Variants in ZC3H7A observed in about 807,000 individuals in gnomAD.
ZC3H7A encodes zinc finger CCCH domain-containing protein 7A.
A neutral mutation model predicts 125.5 loss-of-function variants in ZC3H7A; 44 were observed. That is an observed-to-expected ratio of 0.35 (90% CI 0.28 to 0.45). The LOEUF (loss-of-function observed/expected upper bound fraction) is 0.45, where lower values mean the gene tolerates loss of function less well. ZC3H7A is among the 20% of genes least tolerant of loss of function. ZC3H7A has a pLI of 1.00. For synonymous variants in ZC3H7A, 399 were observed against 391.2 expected (o/e 1.02, Z -0.23); for missense variants, 977 against 1,170.7 (o/e 0.83, Z 2.41).
intron 1 of ZC3H7A, among the ~76,000 whole-genome samples, chr16:11,787,589 G>C (rs776092478): frequency 2.6e-5 from 4 of 152,140 alleles, no homozygotes; most frequent in Non-Finnish European, 5.9e-5. Flanking sequence ...AGCCTCCTGA[G>C]TAGCTGAGAC....
intron 4 of ZC3H7A, among the ~76,000 whole-genome samples, chr16:11,778,453 A>C (rs940209881): frequency 1.3e-5 from 2 of 151,364 alleles, no homozygotes; most frequent in African/African-American, 2.4e-5. Flanking sequence ...AAAAAAAAAA[A>C]AAAAAACACT....
At position 11,776,472 on chromosome 16, in the gene ZC3H7A, T is replaced by C; in HGVS notation, c.526A>G (p.Lys176Glu). ...LAQKLGFKIR[K>E]AYVRAELSLK... ...CTTACCTCAGCTCTGACATACGCTT[T>C]TCTTATTTTAAATCCCAATTTCTGA... Residue 176 changes from lysine to glutamate, a missense_variant, in exon 6 of 23, where the codon AAA becomes GAA. Physicochemically the swap from Lys to Glu is moderately conservative, Grantham distance 56. Coordinates refer to ENST00000355758, the MANE Select transcript of ZC3H7A (RefSeq NM_014153.4). 6.2e-7 allele frequency: 1 copy of C among 1,611,658 alleles called. No individual in the cohort carries two copies. The highest frequency in any genetic ancestry group is 8.5e-7 in the Non-Finnish European group (1 of 1,179,380).
intron 18 of ZC3H7A, 165 bp from the exon 19 acceptor site, chr16:11,761,676 C>T (rs2052755308): frequency 1.2e-6 from 1 of 835,872 alleles, no homozygotes. Flanking sequence ...TTGTCATTTA[C>T]AAACACTCCC....
chr16:11,790,099 A>G (rs1256988783), intron 1 of ZC3H7A, among the ~76,000 whole-genome samples: 1 of 151,458 alleles, frequency 6.6e-6, no homozygotes, highest in African/African-American at 2.4e-5. Flanking sequence ...AAAAAAAAAA[A>G]AAAGAATTTC....
intron 1 of ZC3H7A, chr16:11,796,844 A>G (rs374695760): frequency 1.3e-5 from 2 of 151,184 alleles, no homozygotes; most frequent in East Asian, 2.0e-4. Flanking sequence ...CAAAAAGGAG[A>G]CATTTTGCCG....
intron 3 of ZC3H7A, among the ~76,000 whole-genome samples, chr16:11,780,616 G>A (rs1289577835): frequency 6.6e-6 from 1 of 152,086 alleles, no homozygotes; most frequent in Non-Finnish European, 1.5e-5. Context: ...CCAGGTCCAC[G>A]TGCAAAATGA....
At chr16:11,788,892 G>GT (rs2053303679) in intron 1 of ZC3H7A, among the ~76,000 whole-genome samples, 2 of 152,136 alleles carry the variant, frequency 1.3e-5, no homozygotes, top group African/African-American at 4.8e-5. Flanking sequence ...GATTACAGGC[G>GT]TGAGCCACCA....
At chr16:11,796,928 G>A (rs1343307732) in intron 1 of ZC3H7A, 196 bp downstream of exon 1, 1 of 150,348 alleles carries the variant, frequency 6.7e-6, no homozygotes, top group South Asian at 2.1e-4. Context: ...CCGTCCCTCC[G>A]CGCGCACAGG....
chr16:11,786,657 A>C (rs146464513), intron 1 of ZC3H7A, among the ~76,000 whole-genome samples: 5 of 152,338 alleles, frequency 3.3e-5, no homozygotes, highest in Non-Finnish European at 7.3e-5. Context: ...TTATAGATCT[A>C]GGATCACAAT....
chr16:11,764,574 T>C (rs1446696985), intron 15 of ZC3H7A, among the ~76,000 whole-genome samples: 7 of 151,840 alleles, frequency 4.6e-5, no homozygotes, highest in African/African-American at 1.7e-4. Context: ...TACAAAAAAT[T>C]AGCCAGGCCT....
At chr16:11,773,769 G>A (rs559800554) in intron 9 of ZC3H7A, among the ~76,000 whole-genome samples, 1 of 151,822 alleles carries the variant, frequency 6.6e-6, no homozygotes, top group South Asian at 2.1e-4. Flanking sequence ...TGTAGTCCCA[G>A]CTACTCAGGA....
intron 9 of ZC3H7A, among the ~76,000 whole-genome samples, chr16:11,772,752 A>G (rs1181514826): frequency 6.7e-6 from 1 of 150,374 alleles, no homozygotes; most frequent in Non-Finnish European, 1.5e-5. Flanking sequence ...GGTGGAGTGC[A>G]GTGGCATGAT....
chr16:11,754,199 G>C (rs11644981), intron 21 of ZC3H7A, among the ~76,000 whole-genome samples: 7,347 of 150,340 alleles, frequency 0.049, 260 homozygotes, highest in Middle Eastern at 0.1. Context: ...GGCTGAGGTC[G>C]GAGGATCACC....
Position 11,765,234 on chromosome 16 carries a change from C to A in ZC3H7A, c.1720-81G>T. The A allele has an allele frequency of 1.1e-6, 1 of 904,876 alleles. No homozygotes were observed. 56.1% of individuals were successfully genotyped at this position (904,876 alleles called of 1,614,324 possible). ...CAGAATATTGTCCTAGTTTCAATATCATTACAAAATTAATATTCAATATGA... is the reference window on the plus strand; with the variant it reads ...CAGAATATTGTCCTAGTTTCAATATAATTACAAAATTAATATTCAATATGA... On this transcript the variant is annotated intron_variant, in intron 14 of 22. Transcript: ENST00000355758. The surrounding 1 kb of genome is among the most constrained non-coding windows in gnomAD (Gnocchi z 4.8).
intron 1 of ZC3H7A, among the ~76,000 whole-genome samples, chr16:11,785,088 G>A (rs1258362099): frequency 6.6e-6 from 1 of 152,070 alleles, no homozygotes; most frequent in East Asian, 1.9e-4. Context: ...AACCCGGGAG[G>A]CGGAGGTTGC....
At chr16:11,757,300 C>T (rs902026745) in intron 20 of ZC3H7A, among the ~76,000 whole-genome samples, 5 of 151,846 alleles carry the variant, frequency 3.3e-5, no homozygotes, top group Middle Eastern at 3.4e-3. Context: ...CTGGCTAACA[C>T]GGTGAAACCC....
intron 1 of ZC3H7A, among the ~76,000 whole-genome samples, chr16:11,785,588 G>A (rs1427206740): frequency 1.3e-5 from 2 of 151,426 alleles, no homozygotes; most frequent in East Asian, 3.9e-4. Context: ...AAAAAAAAAA[G>A]ATGAGGCATT....
At chr16:11,779,460 T>C (rs766056505) in intron 3 of ZC3H7A, 97 bp from the exon 4 acceptor site, 23 of 1,068,820 alleles carry the variant, frequency 2.2e-5, no homozygotes, top group Non-Finnish European at 2.7e-5. Flanking sequence ...CAGGAAACAA[T>C]GTGACAGAAC....
chr16:11,751,590 T>A, intron 22 of ZC3H7A, 84 bp from the exon 23 acceptor site: 2 of 1,365,038 alleles, frequency 1.5e-6, no homozygotes, highest in Non-Finnish European at 2.0e-6. Context: ...TATATTTCAC[T>A]AGCTTTATGA....
Sources: gnomAD v4.1 joint callset for allele counts (sites outside exome capture counted in the v4.1 genomes callset) on GRCh38, gnomAD v4.1.1 for gene constraint, Gnocchi (gnomAD v3.1) non-coding constraint, MANE v1.5 for transcripts, NCBI Gene and HGNC (gene_info 2026-07-23, HGNC 2026-07-21) for gene names.